The following HERC2 variants were observed in gnomAD, a reference collection of about 807,000 sequenced individuals.
The protein encoded by HERC2 is E3 ubiquitin-protein ligase HERC2.
A neutral mutation model predicts 537.7 loss-of-function variants in HERC2; 102 were observed. The observed-to-expected ratio is 0.19, with a 90% confidence interval of 0.16 to 0.22. The LOEUF is 0.22. Among genes scored for constraint, HERC2 ranks in the 10% least tolerant of loss-of-function variants. HERC2 has a pLI of 1.00. For synonymous variants in HERC2, 2,224 were observed against 2,466.2 expected (o/e 0.90, Z 2.91); for missense variants, 4,236 against 6,198.2 (o/e 0.68, Z 10.63).
At chr15:28,307,206 T>A (rs1306528955) in intron 2 of HERC2, among the ~76,000 whole-genome samples, 3 of 152,250 alleles carry the variant, frequency 2.0e-5, no homozygotes. Context: ...CTAATGACCC[T>A]TTGAATTTCT....
intron 10 of HERC2, among the ~76,000 whole-genome samples, chr15:28,269,919 CAT>C (rs2075671585): frequency 2.0e-5 from 3 of 152,238 alleles, no homozygotes; most frequent in African/African-American, 7.2e-5. Context: ...ATGGAGGACA[CAT>C]GTTCCAGGTC....
chr15:28,301,832 G>A (rs1185490781), intron 2 of HERC2, among the ~76,000 whole-genome samples: 5 of 114,912 alleles, frequency 4.4e-5, no homozygotes, highest in East Asian at 5.3e-4. Flanking sequence ...GACGGATCTC[G>A]TTCTGGCACT....
In HERC2 at chr15:28,116,866, G is replaced by C; in HGVS notation, c.13415-7C>G. 1 of 1,609,422 alleles carries C rather than the reference G, an allele frequency of 6.2e-7. No homozygotes were observed. The highest frequency in any genetic ancestry group is 1.3e-5 in the African/African-American group (1 of 75,014). On this transcript the variant is annotated splice_polypyrimidine_tract_variant and splice_region_variant and intron_variant, in intron 87 of 92. Coordinates refer to ENST00000261609, the MANE Select transcript of HERC2 (RefSeq NM_004667.6). Reference sequence around the variant, plus strand: ...CAGTCATCCACAGATTCACCTGCAGGGGAGAAGCAGCCACTCGAAGTCCCC... The same window carrying C: ...CAGTCATCCACAGATTCACCTGCAGCGGAGAAGCAGCCACTCGAAGTCCCC...
chr15:28,296,231 T>C (rs908411130), intron 3 of HERC2, among the ~76,000 whole-genome samples: 7 of 151,966 alleles, frequency 4.6e-5, no homozygotes, highest in African/African-American at 1.7e-4. Flanking sequence ...AACCCCACAC[T>C]TTGGGAGGCC....
chr15:28,313,192 AT>A (rs57465951), intron 2 of HERC2, among the ~76,000 whole-genome samples: 1,913 of 95,128 alleles, frequency 0.02, 12 homozygotes, highest in African/African-American at 0.048. Flanking sequence ...CAGTTAAGGC[AT>A]TTTTTTTTTT....
At chr15:28,147,552 C>G (rs1238619066) in intron 70 of HERC2, among the ~76,000 whole-genome samples, 2 of 151,958 alleles carry the variant, frequency 1.3e-5, no homozygotes, top group Non-Finnish European at 2.9e-5. Context: ...GAAGGGGGAT[C>G]GCTTGAGCCC....
intron 59 of HERC2, 127 bp downstream of exon 59, chr15:28,178,760 A>G: frequency 9.5e-7 from 1 of 1,055,620 alleles, no homozygotes; most frequent in Non-Finnish European, 1.3e-6. Context: ...GATTTACATT[A>G]TCCAATTTTT....
At chr15:28,192,176 A>G in intron 52 of HERC2, 25 bp from the exon 53 acceptor site, 1 of 1,590,462 alleles carries the variant, frequency 6.3e-7, no homozygotes, top group Non-Finnish European at 8.6e-7. Flanking sequence ...TCAAAAAGAG[A>G]ATTAACCCTT....
At chr15:28,313,323 G>C (rs1300199928) in intron 2 of HERC2, among the ~76,000 whole-genome samples, 1 of 152,064 alleles carries the variant, frequency 6.6e-6, no homozygotes, top group African/African-American at 2.4e-5. Context: ...GACTACAGGC[G>C]CACGCCACCA....
chr15:28,264,995 A>C (rs1567090030), intron 14 of HERC2, among the ~76,000 whole-genome samples: 1 of 152,120 alleles, frequency 6.6e-6, no homozygotes, highest in Admixed American at 6.6e-5. Flanking sequence ...CTCAATTACC[A>C]ATCTGCCATT....
chr15:28,185,150 C>T (rs887759176), intron 56 of HERC2, among the ~76,000 whole-genome samples: 1 of 151,570 alleles, frequency 6.6e-6, no homozygotes, highest in African/African-American at 2.4e-5. Flanking sequence ...TGAAATAAAA[C>T]AGGACAGAAT....
chr15:28,198,194 A>C (rs560719018), intron 50 of HERC2, among the ~76,000 whole-genome samples, 184 bp downstream of exon 50: 5 of 152,194 alleles, frequency 3.3e-5, no homozygotes, highest in Admixed American at 1.3e-4. Flanking sequence ...TAATAAATCT[A>C]ATTGTTTCAC....
chr15:28,294,043 A>G (rs2076394368), intron 3 of HERC2, among the ~76,000 whole-genome samples: 1 of 152,246 alleles, frequency 6.6e-6, no homozygotes, highest in African/African-American at 2.4e-5. Flanking sequence ...CAGATTACAA[A>G]TAATGACTAT....
At chr15:28,139,798 T>C (rs897666418) in intron 78 of HERC2, among the ~76,000 whole-genome samples, 20 of 151,852 alleles carry the variant, frequency 1.3e-4, no homozygotes, top group African/African-American at 4.1e-4. Flanking sequence ...CGGTAGCTCA[T>C]GCCTGTAATC....
At chr15:28,137,071 T>C (rs1050838981) in intron 78 of HERC2, among the ~76,000 whole-genome samples, 4 of 151,048 alleles carry the variant, frequency 2.6e-5, no homozygotes, top group Non-Finnish European at 4.4e-5. Flanking sequence ...CAGAGGGGAA[T>C]AGGTTAGAAC....
chr15:28,241,382 T>G (rs562776305), intron 23 of HERC2, among the ~76,000 whole-genome samples: 22 of 150,862 alleles, frequency 1.5e-4, no homozygotes, highest in Admixed American at 4.6e-4. Context: ...GGTGAGGATG[T>G]GGAGAAACTG....
rs1424443543 is a variant in HERC2, at chr15:28,130,319, C to T, written c.12663-17G>A. 6.2e-7 allele frequency: 1 copy of T among 1,614,102 alleles called. No homozygotes were observed. The highest frequency in any genetic ancestry group is 2.2e-5 in the East Asian group (1 of 44,874). On this transcript the variant is annotated splice_polypyrimidine_tract_variant and intron_variant, in intron 82 of 92. Transcript: ENST00000261609. ...CCTTTGCCCCTGCACACAAAGGAAG[C>T]ATGGAAATTATGGGGCAAGGTGATC...
chr15:28,225,242 A>G (rs1399275618), intron 35 of HERC2, among the ~76,000 whole-genome samples: 3 of 150,950 alleles, frequency 2.0e-5, no homozygotes, highest in Non-Finnish European at 2.9e-5. Flanking sequence ...GAAAAGTAAG[A>G]CCCTGTCTCA....
At chr15:28,240,220 C>T (rs544582895) in intron 23 of HERC2, among the ~76,000 whole-genome samples, 64 of 152,254 alleles carry the variant, frequency 4.2e-4, no homozygotes, top group African/African-American at 1.4e-3. Context: ...AGATGGAGAC[C>T]ATCCTGGCTA....
Sources: gnomAD v4.1 joint callset for allele counts (sites outside exome capture counted in the v4.1 genomes callset) on GRCh38, gnomAD v4.1.1 for gene constraint, MANE v1.5 for transcripts, NCBI Gene and HGNC (gene_info 2026-07-23, HGNC 2026-07-21) for gene names.